Variants in MAPRE2 observed in about 807,000 individuals in gnomAD.
MAPRE2 encodes the protein microtubule-associated protein RP/EB family member 2.
Under a neutral mutation model 43.2 loss-of-function variants are expected in MAPRE2, and 13 were observed. The ratio of observed to expected loss-of-function variants is 0.30; its 90% confidence interval spans 0.20 to 0.48. The LOEUF (loss-of-function observed/expected upper bound fraction) is 0.48, where lower values mean the gene tolerates loss of function less well. Among genes scored for constraint, MAPRE2 ranks in the 20% least tolerant of loss-of-function variants. The pLI, the probability that MAPRE2 is intolerant of heterozygous loss-of-function variation, is 0.99. For synonymous variants in MAPRE2, 135 were observed against 148.8 expected, an observed-to-expected ratio of 0.91 and a Z score of 0.68; for missense variants, 161 against 400.2, an observed-to-expected ratio of 0.40 and a Z score of 5.10.
Position 35,132,013 on chromosome 18 carries a change from C to T in MAPRE2, c.751-19C>T. Reference sequence around the variant, plus strand: ...TATATTTTGGGTGGTTTTTTTTCTTCACTCTCACTCCCTTGCAGGTACATT... The same window carrying T: ...TATATTTTGGGTGGTTTTTTTTCTTTACTCTCACTCCCTTGCAGGTACATT... On this transcript the variant is annotated intron_variant, in intron 5 of 6. Coordinates refer to ENST00000300249, the MANE Select transcript of MAPRE2 (RefSeq NM_014268.4). 2 of 1,606,452 alleles carry T rather than the reference C, an allele frequency of 1.2e-6. No homozygotes were observed. The highest frequency in any genetic ancestry group is 1.7e-5 in the Admixed American group (1 of 58,490).
At chr18:34,982,138 C>G (rs1283613812) in intron 1 of MAPRE2, among the ~76,000 whole-genome samples, 1 of 152,118 alleles carries the variant, frequency 6.6e-6, no homozygotes, top group Non-Finnish European at 1.5e-5. Flanking sequence ...CCACCTCGGC[C>G]TCCCAGAATG....
intron 1 of MAPRE2, among the ~76,000 whole-genome samples, chr18:35,055,555 GTGTGTGTGTA>G (rs1390650042): frequency 6.7e-6 from 1 of 149,202 alleles, no homozygotes; most frequent in African/African-American, 2.5e-5. Context: ...GTGTGTGTGT[GTGTGTGTGTA>G]TGTGTGTGTG....
rs575690766 is a variant in MAPRE2 at position 35,068,843 on chromosome 18, C to A, written c.123-1352C>A. 4.6e-5 allele frequency among the ~76,000 whole-genome samples: 7 copies of A among 152,228 alleles called. No homozygotes were observed. The South Asian group carries it at 1.5e-3, about 32-fold the overall frequency. ...CCTTCTGATGGAAGTTCAAACACGG[C>A]GTGAAATAGTCTGTTTGATGCAATT... On this transcript the variant is annotated intron_variant, in intron 1 of 6. Transcript: ENST00000300249.
chr18:34,981,498 A>C (rs1165198225), intron 1 of MAPRE2, among the ~76,000 whole-genome samples: 1 of 152,226 alleles, frequency 6.6e-6, no homozygotes, highest in East Asian at 1.9e-4. Flanking sequence ...AGTAGAAGAA[A>C]GTGTGTCATC....
chr18:35,109,130 T>C (rs1382145731), intron 4 of MAPRE2, among the ~76,000 whole-genome samples: 1 of 152,212 alleles, frequency 6.6e-6, no homozygotes, highest in Non-Finnish European at 1.5e-5. Context: ...CATCTTGAGT[T>C]AATTTTTGTA....
In MAPRE2 at chr18:35,098,455, CTA is replaced by C. The variant is rs1280557835; in HGVS notation, c.396+866_396+867del. On this transcript the variant is annotated intron_variant, in intron 3 of 6. Transcript: ENST00000300249. ...AGAGATTAAAGGAAAGTTTGATAAA[CTA>C]TGTATTTTGTAAGCTAAGGCAATTA... 2.4e-4 allele frequency among the ~76,000 whole-genome samples: 37 copies of C among 152,112 alleles called. 1 individual carries two copies. Among genetic ancestry groups the C allele is most frequent in the Admixed American group, 1.7e-3 (26 of 15,274 alleles).
intron 1 of MAPRE2, among the ~76,000 whole-genome samples, chr18:34,995,002 C>T (rs1004904062): frequency 6.6e-6 from 1 of 151,478 alleles, no homozygotes; most frequent in African/African-American, 2.4e-5. Flanking sequence ...GTATGTTAAC[C>T]TCTAACCAAC....
chr18:35,080,000 C>A (rs558231352), intron 2 of MAPRE2, among the ~76,000 whole-genome samples: 1 of 152,266 alleles, frequency 6.6e-6, no homozygotes, highest in African/African-American at 2.4e-5. Flanking sequence ...GTGCTGTATT[C>A]AAAGAAAGGA....
At chr18:35,099,145 G>A (rs753395854) in intron 3 of MAPRE2, among the ~76,000 whole-genome samples, 1 of 152,106 alleles carries the variant, frequency 6.6e-6, no homozygotes, top group African/African-American at 2.4e-5. Context: ...TACCACCAGT[G>A]TCTAAAACTA....
At chr18:35,074,576 G>A (rs9953540) in intron 2 of MAPRE2, among the ~76,000 whole-genome samples, 4,355 of 152,136 alleles carry the variant, frequency 0.029, 199 homozygotes, top group African/African-American at 0.1. Flanking sequence ...CCTCCTTTGA[G>A]ACTTCTTTGT....
At chr18:34,982,881 T>A (rs723035) in intron 1 of MAPRE2, among the ~76,000 whole-genome samples, 88,620 of 151,946 alleles carry the variant, frequency 0.58, 26,517 homozygotes, top group East Asian at 0.73. Flanking sequence ...TGGAAAAATA[T>A]CCAAAGAAGA....
chr18:35,019,250 G>T (rs936032632), intron 2 of MAPRE2, among the ~76,000 whole-genome samples: 3 of 152,014 alleles, frequency 2.0e-5, no homozygotes, highest in Admixed American at 6.6e-5. Flanking sequence ...GGCTGAGCAT[G>T]TGGTTGATAT....
At chr18:35,101,868 T>C in intron 3 of MAPRE2, 78 bp from the exon 4 acceptor site, 1 of 1,051,884 alleles carries the variant, frequency 9.5e-7, no homozygotes, top group Non-Finnish European at 1.4e-6. Flanking sequence ...GATATCTTTT[T>C]GAGATACTGA....
intron 4 of MAPRE2, among the ~76,000 whole-genome samples, chr18:35,124,724 A>C (rs1266765731): frequency 6.6e-6 from 1 of 152,178 alleles, no homozygotes; most frequent in Non-Finnish European, 1.5e-5. Flanking sequence ...AAAGATCTGA[A>C]AGAACTTGAT....
intron 2 of MAPRE2, among the ~76,000 whole-genome samples, chr18:35,033,282 T>A (rs568808396): frequency 6.6e-6 from 1 of 152,274 alleles, no homozygotes; most frequent in African/African-American, 2.4e-5. Flanking sequence ...TCTCAACAGA[T>A]GCAGAAAAGG....
intron 2 of MAPRE2, among the ~76,000 whole-genome samples, chr18:35,029,199 T>C (rs1272451675): frequency 2.6e-5 from 4 of 152,226 alleles, no homozygotes; most frequent in African/African-American, 9.6e-5. Flanking sequence ...GCATTTTTTT[T>C]CCTAATGAAA....
intron 1 of MAPRE2, among the ~76,000 whole-genome samples, chr18:35,046,017 C>A (rs1905605710): frequency 6.6e-6 from 1 of 152,128 alleles, no homozygotes; most frequent in Non-Finnish European, 1.5e-5. Flanking sequence ...GTTGACAGTG[C>A]ATTATCTTAG....
At position 34,985,510 on chromosome 18, in the gene MAPRE2, T is replaced by C. The variant is rs1191542418; in HGVS notation, c.-70+8431T>C. Among the ~76,000 whole-genome samples the C allele has an allele frequency of 3.8e-3, 225 of 59,608 alleles. 20 individuals carry two copies. Among genetic ancestry groups the C allele is most frequent in the Non-Finnish European group, 5.2e-3 (190 of 36,552 alleles). The allele number at this position is 59,608 out of a possible 152,430, so 39.1% of individuals were successfully genotyped here. ...ATATTGTATATTATATAATATATAA[T>C]ATATATATTATATATTATAAATATA... On this transcript the variant is annotated intron_variant, in intron 1 of 7. Transcript: ENST00000413393.
intron 4 of MAPRE2, among the ~76,000 whole-genome samples, chr18:35,103,756 G>A (rs1024832739): frequency 6.6e-6 from 1 of 152,126 alleles, no homozygotes; most frequent in Admixed American, 6.6e-5. Flanking sequence ...TGATGTGTCA[G>A]GGAAGCAGAA....
Sources: allele counts gnomAD v4.1 joint callset (sites outside exome capture counted in the v4.1 genomes callset), GRCh38; gene constraint gnomAD v4.1.1; transcripts MANE v1.5; gene names NCBI Gene and HGNC (gene_info 2026-07-23, HGNC 2026-07-21).